Variants in KDM3B observed in about 807,000 individuals in gnomAD.
KDM3B encodes lysine demethylase 3B.
Under a neutral mutation model 170.0 loss-of-function variants are expected in KDM3B, and 10 were observed. The ratio of observed to expected loss-of-function variants is 0.06; its 90% confidence interval spans 0.04 to 0.10. The LOEUF is 0.10. KDM3B is among the 10% of genes least tolerant of loss of function. The pLI is 1.00. For missense variants in KDM3B, 1,394 were observed against 2,195.2 expected, an observed-to-expected ratio of 0.64 and a Z score of 7.29; for synonymous variants, 831 against 834.8, an observed-to-expected ratio of 1.00 and a Z score of 0.08.
chr5:138,378,834 G>A (rs916179044), intron 4 of KDM3B, among the ~76,000 whole-genome samples: 3 of 149,820 alleles, frequency 2.0e-5, no homozygotes, highest in African/African-American at 7.3e-5. Flanking sequence ...TAGATATAAT[G>A]TATAGAAAAG....
intron 23 of KDM3B, among the ~76,000 whole-genome samples, chr5:138,433,109 CCTTT>C (rs1162420115): frequency 8.7e-5 from 13 of 149,614 alleles, no homozygotes; most frequent in African/African-American, 1.7e-4. Flanking sequence ...ATGCACTTTT[CCTTT>C]CTTTTTTTTT....
intron 1 of KDM3B, among the ~76,000 whole-genome samples, chr5:138,365,291 G>C (rs1161851166): frequency 2.6e-5 from 4 of 151,274 alleles, no homozygotes; most frequent in Non-Finnish European, 5.9e-5. Context: ...ACAAAGTTTC[G>C]CTCTTGTCTC....
At chr5:138,373,362 A>G (rs948103805) in intron 2 of KDM3B, among the ~76,000 whole-genome samples, 1 of 152,136 alleles carries the variant, frequency 6.6e-6, no homozygotes, top group African/African-American at 2.4e-5. Context: ...AACAACAATG[A>G]AAAGAATTTT....
rs1315416126 is a variant in KDM3B, at chr5:138,381,595, A to G, written c.780+5A>G. ...AATTCAGCGCCTCAAAGCGAGGTAC[A>G]GTAATGGACTGCATTCCTGAGCAGA... On this transcript the variant is annotated splice_donor_5th_base_variant and intron_variant, in intron 6 of 23. Transcript: ENST00000314358. 6 of 1,563,790 alleles carry G rather than the reference A, an allele frequency of 3.8e-6. No homozygotes were observed. Among genetic ancestry groups the G allele is most frequent in the African/African-American group, 2.7e-5 (2 of 74,144 alleles).
chr5:138,356,180 C>T (rs779802889), intron 1 of KDM3B, among the ~76,000 whole-genome samples: 15 of 152,140 alleles, frequency 9.9e-5, no homozygotes, highest in Non-Finnish European at 4.4e-5. Context: ...ACAATGCTGT[C>T]ATTAATATAC....
Position 138,424,101 on chromosome 5 carries a change from C to T in KDM3B, c.3999C>T (p.Pro1333=). ...SAGVKSKASL[P]NFLDHIIASV... is the part of the protein sequence containing the mutation. ...GAGTGAAGAGCAAGGCCAGCCTACC[C>T]AACTTTCTTGACCACATCATTGCCT... The change falls in exon 16 of 24, where the codon CCC becomes CCT. Residue 1333 remains proline (P), a synonymous_variant. Coordinates refer to ENST00000314358, the MANE Select transcript of KDM3B (RefSeq NM_016604.4). The T allele has an allele frequency of 6.3e-7, 1 of 1,581,784 alleles. No homozygotes were observed. Among genetic ancestry groups the T allele is most frequent in the Non-Finnish European group, 8.6e-7 (1 of 1,159,730 alleles).
At chr5:138,428,260 G>T (rs1337941210) in intron 20 of KDM3B, among the ~76,000 whole-genome samples, 174 bp downstream of exon 20, 1 of 151,344 alleles carries the variant, frequency 6.6e-6, no homozygotes, top group Non-Finnish European at 1.5e-5. Context: ...CCAGGCTAGA[G>T]TGCAGAGGTG....
At chr5:138,393,468 G>C (rs1387486665) in intron 9 of KDM3B, 96 bp downstream of exon 9, 1 of 1,069,548 alleles carries the variant, frequency 9.3e-7, no homozygotes, top group Non-Finnish European at 1.4e-6. Context: ...TCATCATCTT[G>C]GTCTTTGCTT....
chr5:138,376,807 G>A (rs1191925639), intron 3 of KDM3B, among the ~76,000 whole-genome samples: 2 of 152,070 alleles, frequency 1.3e-5, no homozygotes, highest in South Asian at 4.1e-4. Flanking sequence ...ACATCCAGGA[G>A]TTTGGACTGG....
chr5:138,397,259 C>T (rs2126958503), intron 9 of KDM3B, among the ~76,000 whole-genome samples: 1 of 152,170 alleles, frequency 6.6e-6, no homozygotes, highest in East Asian at 1.9e-4. Context: ...GGCATGAACC[C>T]CGGAGGAGGC....
intron 1 of KDM3B, among the ~76,000 whole-genome samples, chr5:138,369,820 T>G (rs1372290297): frequency 6.6e-6 from 1 of 152,216 alleles, no homozygotes; most frequent in Non-Finnish European, 1.5e-5. Context: ...TCAACCAAAG[T>G]GCTTAGAATC....
intron 6 of KDM3B, among the ~76,000 whole-genome samples, chr5:138,383,430 C>G (rs1209387053): frequency 6.6e-6 from 1 of 152,202 alleles, no homozygotes; most frequent in African/African-American, 2.4e-5. Context: ...AACGAACCAC[C>G]ACGCCTGGTG....
In KDM3B at chr5:138,415,123, C is replaced by T; in HGVS notation, c.3200-9C>T. On this transcript the variant is annotated splice_polypyrimidine_tract_variant and intron_variant, in intron 11 of 23. Coordinates refer to ENST00000314358, the MANE Select transcript of KDM3B (RefSeq NM_016604.4). ...CCTTATAAAATAAGTGAAATCATTT[C>T]TATTTCAGAGACAGAAGAGATGGGT... 6.4e-7 allele frequency: 1 copy of T among 1,560,424 alleles called. No homozygotes were observed. Among genetic ancestry groups the T allele is most frequent in the Non-Finnish European group, 8.8e-7 (1 of 1,138,704 alleles).
intron 11 of KDM3B, among the ~76,000 whole-genome samples, chr5:138,400,269 C>G (rs150072231): frequency 0.01 from 1,570 of 151,822 alleles, 30 homozygotes; most frequent in African/African-American, 0.036. Context: ...GATTCTCGCT[C>G]TGTTGCCCAG....
rs533835849 is a variant in KDM3B, at chr5:138,427,233, A to G, written c.4547A>G (p.Lys1516Arg). The change falls in exon 19 of 24, where the codon AAA (lysine) becomes AGA (arginine). Residue 1516 changes from lysine (K) to arginine (R), a missense_variant. This residue lies in a region of KDM3B where 66 missense variants were observed against 178.8 expected (regional missense o/e 0.37). Transcript: ENST00000314358. ...MENLPLPEYT[K>R]RDGRLNLASR... ...AACCTTCCTCTGCCAGAATATACCA[A>G]ACGAGATGGCAGGCTCAATCTGGCC... The G allele has an allele frequency of 6.2e-7, 1 of 1,614,034 alleles. No homozygotes were observed. Among genetic ancestry groups the G allele is most frequent in the East Asian group, 2.2e-5 (1 of 44,878 alleles).
At chr5:138,390,694 C>A (rs1762404783) in intron 7 of KDM3B, among the ~76,000 whole-genome samples, 1 of 152,182 alleles carries the variant, frequency 6.6e-6, no homozygotes, top group Non-Finnish European at 1.5e-5. Flanking sequence ...CTCTTCACTT[C>A]CAAATAGATA....
intron 1 of KDM3B, among the ~76,000 whole-genome samples, chr5:138,357,506 G>A (rs949604034): frequency 1.9e-4 from 29 of 151,744 alleles, no homozygotes; most frequent in African/African-American, 6.8e-4. Flanking sequence ...TGGAACCACA[G>A]ATGCACACTA....
Position 138,391,521 on chromosome 5 carries a change from G to A in KDM3B, c.1889G>A (p.Arg630Gln), listed in dbSNP as rs1180613355. ...TTTTTACAGCCCCCCAAATTGTCCC[G>A]AGAAGAGCCTTCTAATCCTTTCCTG... ...NLFLQPPKLS[R>Q]EEPSNPFLAF... Residue 630 changes from arginine (R) to glutamine (Q), a missense_variant, in exon 8 of 24, where the codon CGA becomes CAA. Physicochemically the swap from Arg to Gln is conservative, Grantham distance 43 (BLOSUM62 1). Transcript: ENST00000314358. The surrounding 1 kb of genome is among the most constrained non-coding windows in gnomAD (Gnocchi z 5.0). 6.8e-6 allele frequency: 11 copies of A among 1,613,840 alleles called. No homozygotes were observed. Among genetic ancestry groups the A allele is most frequent in the Middle Eastern group, 1.6e-4 (1 of 6,084 alleles).
At chr5:138,390,857 G>A (rs1335351160) in intron 7 of KDM3B, among the ~76,000 whole-genome samples, 156 bp from the exon 8 acceptor site, 1 of 152,132 alleles carries the variant, frequency 6.6e-6, no homozygotes, top group Non-Finnish European at 1.5e-5. Context: ...CACTGCTGGT[G>A]AACTCCAGTT....
Sources: gnomAD v4.1 joint callset for allele counts (sites outside exome capture counted in the v4.1 genomes callset) on GRCh38, gnomAD v4.1.1 for gene constraint, gnomAD v4.1.1 regional missense constraint, Gnocchi (gnomAD v3.1) non-coding constraint, MANE v1.5 for transcripts, NCBI Gene and HGNC (gene_info 2026-07-23, HGNC 2026-07-21) for gene names.